Variants in IPCEF1 observed in about 807,000 individuals in gnomAD.
IPCEF1 encodes the protein interactor protein for cytohesin exchange factors 1.
In IPCEF1, 31 loss-of-function variants were observed where a neutral mutation model predicts 50.9. The observed-to-expected ratio is 0.61, with a 90% CI of 0.46 to 0.82. The LOEUF is 0.82. Ranked by LOEUF, IPCEF1 falls within the 40% of genes least tolerant of loss-of-function variation. The pLI is 0.00. For missense variants in IPCEF1, 458 were observed against 514.0 expected, an observed-to-expected ratio of 0.89 and a Z score of 1.05; for synonymous variants, 181 against 192.0, an observed-to-expected ratio of 0.94 and a Z score of 0.47.
intron 10 of IPCEF1, among the ~76,000 whole-genome samples, chr6:154,199,262 AG>A (rs1374919733): frequency 6.6e-6 from 1 of 152,232 alleles, no homozygotes; most frequent in East Asian, 1.9e-4. Flanking sequence ...GCCCAGAGAA[AG>A]TGGCTGATCT....
intron 5 of IPCEF1, among the ~76,000 whole-genome samples, chr6:154,241,949 T>A (rs1780630871): frequency 6.6e-6 from 1 of 152,204 alleles, no homozygotes. Flanking sequence ...CCTGGCTTTG[T>A]CGTTGGGAAA....
rs563671264 is a variant in IPCEF1, at chr6:154,233,721, T to G, written c.247-10478A>C. 2.0e-5 allele frequency among the ~76,000 whole-genome samples: 3 copies of G among 152,266 alleles called. No homozygotes were observed. The East Asian group carries it at 5.8e-4, about 29-fold the overall frequency. ...CAGTAAGGAGATCAGTTACTCTCAG[T>G]GACCCTGACATATGCCCTGTCCTTA... On this transcript the variant is annotated intron_variant, in intron 5 of 11. Coordinates refer to ENST00000367220, the MANE Select transcript of IPCEF1 (RefSeq NM_001130700.2).
At chr6:154,351,986 C>T (rs1380482505) in intron 1 of IPCEF1, among the ~76,000 whole-genome samples, 4 of 152,054 alleles carry the variant, frequency 2.6e-5, no homozygotes, top group East Asian at 1.9e-4. Context: ...CTGTGAGGGC[C>T]GGGGGAGAGG....
intron 2 of IPCEF1, among the ~76,000 whole-genome samples, chr6:154,286,933 G>A (rs1782374730): frequency 6.6e-6 from 1 of 152,122 alleles, no homozygotes; most frequent in African/African-American, 2.4e-5. Context: ...TTGAAGGAGG[G>A]GCCTGGTGGG....
chr6:154,235,812 A>C (rs1241087586), intron 5 of IPCEF1, among the ~76,000 whole-genome samples: 3 of 152,208 alleles, frequency 2.0e-5, no homozygotes, highest in Non-Finnish European at 4.4e-5. Flanking sequence ...GTCACTAGTC[A>C]TTAGGAAAAG....
At chr6:154,176,105 TTCAACAAAAA>T (rs1344410254) in intron 10 of IPCEF1, among the ~76,000 whole-genome samples, 3 of 152,152 alleles carry the variant, frequency 2.0e-5, no homozygotes, top group Admixed American at 6.5e-5. Context: ...AGAAAAGGCC[TTCAACAAAAA>T]TCAACAGCCT....
chr6:154,313,211 A>C (rs1334670797), intron 1 of IPCEF1, among the ~76,000 whole-genome samples: 1 of 151,946 alleles, frequency 6.6e-6, no homozygotes, highest in African/African-American at 2.4e-5. Context: ...ATCTCTTCTA[A>C]AAATACAAAA....
intron 7 of IPCEF1, chr6:154,217,279 C>T (rs790260): frequency 0.51 from 79,868 of 156,296 alleles, 21,289 homozygotes; most frequent in African/African-American, 0.64. Context: ...TCACTAAGCA[C>T]ATCCAGGTGA....
intron 1 of IPCEF1, among the ~76,000 whole-genome samples, chr6:154,340,395 C>T (rs1384099209): frequency 6.6e-6 from 1 of 151,894 alleles, no homozygotes; most frequent in Non-Finnish European, 1.5e-5. Flanking sequence ...GGATTACAGG[C>T]GTGCACCACC....
chr6:154,305,155 T>A lies in IPCEF1; in HGVS notation c.-61-15399A>T, dbSNP rs1316868408. Reference sequence around the variant, plus strand: ...AAAGAAAAGAAAGAAAGAAAATATGTGAGAAGACTGTGCCTCCTTGCTGTT... The same window carrying A: ...AAAGAAAAGAAAGAAAGAAAATATGAGAGAAGACTGTGCCTCCTTGCTGTT... On this transcript the variant is annotated intron_variant, in intron 1 of 11. Transcript: ENST00000367220. Among the ~76,000 whole-genome samples, 9 of 131,248 alleles carry A rather than the reference T, an allele frequency of 6.9e-5. 1 individual carries two copies. The East Asian group carries it at 2.1e-3, about 30-fold the overall frequency. The allele number at this position is 131,248 out of a possible 152,430, so 86.1% of individuals were successfully genotyped here. A position where few individuals can be genotyped will look rare whatever the true frequency, so the allele number is the denominator to read the frequency against.
chr6:154,296,686 A>G (rs775576550), intron 1 of IPCEF1, among the ~76,000 whole-genome samples: 9 of 151,972 alleles, frequency 5.9e-5, no homozygotes, highest in Non-Finnish European at 8.8e-5. Flanking sequence ...AAAATTAGCC[A>G]GGCATGGTGG....
chr6:154,219,371 C>T (rs369888313), intron 7 of IPCEF1, among the ~76,000 whole-genome samples: 1 of 152,054 alleles, frequency 6.6e-6, no homozygotes, highest in African/African-American at 2.4e-5. Flanking sequence ...GTGGGAAGGA[C>T]GGGCCAAGGA....
chr6:154,325,074 A>C (rs1472490078), intron 1 of IPCEF1, among the ~76,000 whole-genome samples: 1 of 152,230 alleles, frequency 6.6e-6, no homozygotes, highest in African/African-American at 2.4e-5. Flanking sequence ...CAGTTCATAG[A>C]AAGGAAACAC....
At chr6:154,208,124 T>C (rs1777653545) in intron 9 of IPCEF1, among the ~76,000 whole-genome samples, 2 of 152,186 alleles carry the variant, frequency 1.3e-5, no homozygotes, top group Admixed American at 1.3e-4. Context: ...ATCCCTCCTC[T>C]GCTCAAACCT....
At chr6:154,234,535 A>G (rs1031412846) in intron 5 of IPCEF1, among the ~76,000 whole-genome samples, 6 of 152,242 alleles carry the variant, frequency 3.9e-5, no homozygotes, top group Non-Finnish European at 5.9e-5. Flanking sequence ...CCAACTGCTC[A>G]GCACAACAAT....
intron 1 of IPCEF1, among the ~76,000 whole-genome samples, chr6:154,311,581 TC>T (rs1224256237): frequency 6.6e-6 from 1 of 152,202 alleles, no homozygotes; most frequent in Non-Finnish European, 1.5e-5. Context: ...TCATTATGTT[TC>T]CTCAAACACT....
intron 1 of IPCEF1, among the ~76,000 whole-genome samples, chr6:154,292,195 C>A (rs892452363): frequency 2.0e-5 from 3 of 152,090 alleles, no homozygotes; most frequent in African/African-American, 7.2e-5. Flanking sequence ...TGCCTAACAC[C>A]CCTCAATATG....
At chr6:154,340,063 C>T (rs995873991) in intron 1 of IPCEF1, among the ~76,000 whole-genome samples, 1 of 149,842 alleles carries the variant, frequency 6.7e-6, no homozygotes, top group Non-Finnish European at 1.5e-5. Context: ...ATACTTGAGG[C>T]TAGGGAACTT....
At chr6:154,274,488 C>G (rs1049316745) in intron 2 of IPCEF1, among the ~76,000 whole-genome samples, 19 of 152,170 alleles carry the variant, frequency 1.2e-4, no homozygotes, top group African/African-American at 4.3e-4. Flanking sequence ...TCCCAGTGGA[C>G]CATTTTACCA....
Sources: gnomAD v4.1 joint callset for allele counts (sites outside exome capture counted in the v4.1 genomes callset) on GRCh38, gnomAD v4.1.1 for gene constraint, MANE v1.5 for transcripts, NCBI Gene and HGNC (gene_info 2026-07-23, HGNC 2026-07-21) for gene names.